Variants in DIP2C observed in about 807,000 individuals in gnomAD.
DIP2C encodes DIP2 acetate--CoA ligase C (putative).
In DIP2C, 33 loss-of-function variants were observed where a neutral mutation model predicts 192.4. The observed-to-expected ratio is 0.17, with a 90% CI of 0.13 to 0.23. The LOEUF is 0.23. Among genes scored for constraint, DIP2C ranks in the 10% least tolerant of loss-of-function variants. The pLI, the probability that DIP2C is intolerant of heterozygous loss-of-function variation, is 1.00. For synonymous variants in DIP2C, 979 were observed against 864.1 expected, an observed-to-expected ratio of 1.13 and a Z score of -2.33; for missense variants, 1,537 against 2,110.1, an observed-to-expected ratio of 0.73 and a Z score of 5.32.
chr10:591,330 G>C (rs139221179), intron 1 of DIP2C, among the ~76,000 whole-genome samples: 3 of 152,134 alleles, frequency 2.0e-5, no homozygotes, highest in East Asian at 3.9e-4. Flanking sequence ...TCACCATGTT[G>C]GCCAGGCTGG....
At chr10:542,787 A>G (rs1397050792) in intron 1 of DIP2C, among the ~76,000 whole-genome samples, 1 of 150,908 alleles carries the variant, frequency 6.6e-6, no homozygotes, top group African/African-American at 2.5e-5. Context: ...ACCACAGGTC[A>G]CCAGATCCCA....
chr10:372,309 G>C (rs367692895), intron 17 of DIP2C, among the ~76,000 whole-genome samples: 1 of 152,146 alleles, frequency 6.6e-6, no homozygotes, highest in Non-Finnish European at 1.5e-5. Context: ...TCCTGACCTC[G>C]AGTGATCTGC....
At position 422,929 on chromosome 10, in the gene DIP2C, C is replaced by T. The variant is rs1249224410; in HGVS notation, c.499G>A (p.Ala167Thr). The T allele has an allele frequency of 1.2e-6, 2 of 1,614,096 alleles. No individual in the cohort carries two copies. Among genetic ancestry groups the T allele is most frequent in the Non-Finnish European group, 1.7e-6 (2 of 1,180,030 alleles). ...SINMEHWISQ[A>T]IHGSTTSTTS... is the part of the protein sequence containing the mutation. ...GTGGACGTGGTGGAGCCGTGGATGGCCTGGCTGATCCAGTGCTCCATATTG... is the reference window on the plus strand; with the variant it reads ...GTGGACGTGGTGGAGCCGTGGATGGTCTGGCTGATCCAGTGCTCCATATTG... The change falls in exon 5 of 37, where the codon GCC (alanine) becomes ACC (threonine). Residue 167 changes from alanine to threonine, a missense_variant. Ala to Thr is a moderately conservative substitution (Grantham distance 58). Coordinates refer to ENST00000280886, the MANE Select transcript of DIP2C (RefSeq NM_014974.3).
intron 3 of DIP2C, among the ~76,000 whole-genome samples, chr10:456,452 T>TG (rs1969306320): frequency 7.8e-6 from 1 of 128,376 alleles, no homozygotes; most frequent in Non-Finnish European, 1.5e-5. Context: ...AGTGAGTCCC[T>TG]GCCTGAGGGG....
intron 17 of DIP2C, among the ~76,000 whole-genome samples, chr10:378,813 A>ATGAACAGACATGCACAGATG (rs1962001848): frequency 2.3e-5 from 1 of 42,802 alleles, no homozygotes; most frequent in Non-Finnish European, 4.3e-5. Flanking sequence ...AAAGACACAA[A>ATGAACAGACATGCACAGATG]TGAACAGACA....
chr10:473,208 C>G (rs1970777953), intron 2 of DIP2C, among the ~76,000 whole-genome samples: 1 of 152,214 alleles, frequency 6.6e-6, no homozygotes. Flanking sequence ...TGATGTGAAT[C>G]CACCTGTCAC....
chr10:393,565 G>A (rs894816986), intron 10 of DIP2C, among the ~76,000 whole-genome samples: 18 of 152,124 alleles, frequency 1.2e-4, no homozygotes. Context: ...ATCAGTGGAG[G>A]TCAGGAGTTC....
At chr10:490,418 T>C (rs1407794365) in intron 1 of DIP2C, among the ~76,000 whole-genome samples, 1 of 152,204 alleles carries the variant, frequency 6.6e-6, no homozygotes, top group African/African-American at 2.4e-5. Context: ...GCTAGGCGTA[T>C]CCACTGCTCA....
intron 1 of DIP2C, among the ~76,000 whole-genome samples, chr10:658,044 C>A (rs1428761132): frequency 1.4e-5 from 2 of 142,310 alleles, no homozygotes; most frequent in Non-Finnish European, 3.0e-5. Flanking sequence ...TGGACCTGTC[C>A]CTGGACCTGT....
intron 1 of DIP2C, among the ~76,000 whole-genome samples, chr10:672,071 CGCCACAGACGCACGGACGGAGTAAACAG>C (rs998991724): frequency 2.8e-5 from 4 of 143,038 alleles, no homozygotes; most frequent in African/African-American, 7.9e-5. Flanking sequence ...ACGGAGGAAA[CGCCACAGACGCACGGACGGAGTAAACAG>C]GCCACAGACG....
At chr10:446,854 G>C (rs1327766095) in intron 3 of DIP2C, among the ~76,000 whole-genome samples, 1 of 152,102 alleles carries the variant, frequency 6.6e-6, no homozygotes, top group Non-Finnish European at 1.5e-5. Flanking sequence ...TTTATTTTTT[G>C]TCAATGTAGT....
At position 422,915 on chromosome 10, in the gene DIP2C, G is replaced by A. The variant is rs764647732; in HGVS notation, c.513C>T (p.Ser171=). The change falls in exon 5 of 37, where the codon TCC becomes TCT. Residue 171 remains serine, a synonymous_variant. Coordinates refer to ENST00000280886, the MANE Select transcript of DIP2C (RefSeq NM_014974.3). ...EHWISQAIHG[S]TTSTTSSSST... ...AGGACGAGGAGGTGGTGGACGTGGTGGAGCCGTGGATGGCCTGGCTGATCC... is the reference window on the plus strand; with the variant it reads ...AGGACGAGGAGGTGGTGGACGTGGTAGAGCCGTGGATGGCCTGGCTGATCC... 5.2e-5 allele frequency: 84 copies of A among 1,614,082 alleles called. No homozygotes were observed. Among genetic ancestry groups the A allele is most frequent in the Middle Eastern group, 3.4e-4 (2 of 5,910 alleles).
chr10:525,999 C>A (rs1847028697), intron 1 of DIP2C, among the ~76,000 whole-genome samples: 1 of 152,220 alleles, frequency 6.6e-6, no homozygotes, highest in African/African-American at 2.4e-5. Flanking sequence ...CCCCGCACAC[C>A]ACCTCCTTCT....
chr10:477,495 A>AGGTGGGAGGTGGGGAGGAAGGTGGATG, intron 2 of DIP2C, among the ~76,000 whole-genome samples: 2 of 2,848 alleles, frequency 7.0e-4, no homozygotes, highest in African/African-American at 1.0e-3. Flanking sequence ...GATGGGTGGG[A>AGGTGGGAGGTGGGGAGGAAGGTGGATG]GGTGGGAGGT....
rs1243785870 is a variant in DIP2C, at chr10:595,685, G to A, written c.85+93809C>T. Among the ~76,000 whole-genome samples, 6 of 152,156 alleles carry A rather than the reference G, an allele frequency of 3.9e-5. No homozygotes were observed. In the South Asian group the frequency reaches 6.2e-4, roughly 16 times the overall value. On this transcript the variant is annotated intron_variant, in intron 1 of 36. Transcript: ENST00000280886. ...ACACCCCGGGTTTACCGAAATCCAC[G>A]CGTCCGCAGGACCCGCGCCCACCCT...
intron 3 of DIP2C, among the ~76,000 whole-genome samples, chr10:466,029 A>C (rs1447865765): frequency 1.3e-5 from 2 of 151,740 alleles, no homozygotes; most frequent in African/African-American, 4.8e-5. Context: ...ACAGAATTGG[A>C]AAAAACTACT....
intron 1 of DIP2C, among the ~76,000 whole-genome samples, chr10:501,584 G>GA (rs1019710102): frequency 6.6e-6 from 1 of 151,732 alleles, no homozygotes; most frequent in African/African-American, 2.4e-5. Context: ...CATTTAAAAT[G>GA]AAAAAAAGGT....
intron 4 of DIP2C, among the ~76,000 whole-genome samples, chr10:424,497 C>T (rs556802525): frequency 1.3e-5 from 2 of 151,444 alleles, no homozygotes; most frequent in African/African-American, 4.8e-5. Flanking sequence ...TCCCAGGTAG[C>T]TGAGATTACA....
chr10:337,562 G>A (rs1589525029), intron 29 of DIP2C, among the ~76,000 whole-genome samples: 2 of 144,278 alleles, frequency 1.4e-5, no homozygotes, highest in East Asian at 2.2e-4. Flanking sequence ...CTGTGTGTGT[G>A]CTGTGGAGGC....
Sources: allele counts gnomAD v4.1 joint callset (sites outside exome capture counted in the v4.1 genomes callset), GRCh38; gene constraint gnomAD v4.1.1; transcripts MANE v1.5; gene names NCBI Gene and HGNC (gene_info 2026-07-23, HGNC 2026-07-21).